The following TENM3 variants were observed in gnomAD, a reference collection of about 807,000 sequenced individuals.
The protein encoded by TENM3 is teneurin transmembrane protein 3.
TENM3 carries 63 observed loss-of-function variants against 255.1 expected under a neutral mutation model. The ratio of observed to expected loss-of-function variants is 0.25; its 90% CI spans 0.20 to 0.30. TENM3 has a LOEUF of 0.30. TENM3 is among the 10% of genes least tolerant of loss of function. The probability of loss-of-function intolerance (pLI) is 1.00; values close to 1 mark genes in which losing one functional copy is unlikely to be tolerated. For synonymous variants in TENM3, 1,306 were observed against 1,322.3 expected, an observed-to-expected ratio of 0.99 and a Z score of 0.27; for missense variants, 2,929 against 3,461.1, an observed-to-expected ratio of 0.85 and a Z score of 3.86.
the TENM3 span, among the ~76,000 whole-genome samples, chr4:182,118,834 A>G: frequency 1.3e-5 from 2 of 152,162 alleles, no homozygotes; most frequent in Non-Finnish European, 2.9e-5. Context: ...TACTTTTTAT[A>G]CATTGTTGGA....
the TENM3 span, among the ~76,000 whole-genome samples, chr4:181,837,573 G>A: frequency 6.6e-6 from 1 of 152,136 alleles, no homozygotes; most frequent in African/African-American, 2.4e-5. Flanking sequence ...AATCATTGCT[G>A]CATGTCCAAC....
At chr4:182,721,225 T>C (rs1349101774) in intron 13 of TENM3, among the ~76,000 whole-genome samples, 2 of 152,182 alleles carry the variant, frequency 1.3e-5, no homozygotes, top group Admixed American at 1.3e-4. Context: ...AGGGGTTTTA[T>C]TAGAAGTCGT....
chr4:182,103,765 G>GA, the TENM3 span, among the ~76,000 whole-genome samples: 1 of 152,162 alleles, frequency 6.6e-6, no homozygotes, highest in Non-Finnish European at 1.5e-5. Context: ...TTATAATAAT[G>GA]GTTATAAGAC....
chr4:182,543,355 A>G (rs1741090970), intron 3 of TENM3, among the ~76,000 whole-genome samples: 1 of 152,242 alleles, frequency 6.6e-6, no homozygotes, highest in Non-Finnish European at 1.5e-5. Context: ...GTTCTATGTC[A>G]GGAGGTTCAT....
At chr4:182,219,571 C>T (rs761026814) in intron 1 of TENM3, among the ~76,000 whole-genome samples, 68 of 151,294 alleles carry the variant, frequency 4.5e-4, no homozygotes, top group Admixed American at 2.3e-3. Context: ...AAGCTGAGGC[C>T]GGAGGATTGC....
At chr4:181,845,927 C>A in the TENM3 span, among the ~76,000 whole-genome samples, 56 of 152,308 alleles carry the variant, frequency 3.7e-4, no homozygotes, top group African/African-American at 1.3e-3. Flanking sequence ...CTATTGGCAT[C>A]TTGCACCTTT....
intron 3 of TENM3, among the ~76,000 whole-genome samples, chr4:182,520,781 G>A (rs923844360): frequency 1.3e-5 from 2 of 152,096 alleles, no homozygotes. Context: ...TAACAAAATG[G>A]CTTAAAAGAA....
the TENM3 span, among the ~76,000 whole-genome samples, chr4:182,063,161 C>G: frequency 6.6e-6 from 1 of 152,200 alleles, no homozygotes; most frequent in Non-Finnish European, 1.5e-5. Context: ...TAGTGCTGCA[C>G]TGTAATCTGA....
chr4:182,517,951 A>G (rs564283743), intron 3 of TENM3, among the ~76,000 whole-genome samples: 2 of 152,286 alleles, frequency 1.3e-5, no homozygotes, highest in South Asian at 2.1e-4. Context: ...ATAGTCCCCT[A>G]CATGTCCAAA....
intron 7 of TENM3, among the ~76,000 whole-genome samples, chr4:182,678,708 C>G (rs980253357): frequency 6.6e-6 from 1 of 152,146 alleles, no homozygotes; most frequent in Non-Finnish European, 1.5e-5. Context: ...TATGAGGAAC[C>G]AGCACGGAGT....
At chr4:182,758,691 C>T (rs1762909117) in intron 22 of TENM3, among the ~76,000 whole-genome samples, 1 of 151,960 alleles carries the variant, frequency 6.6e-6, no homozygotes, top group African/African-American at 2.4e-5. Flanking sequence ...TACTTTAGAC[C>T]TTACAAAGGG....
chr4:181,778,208 A>G, the TENM3 span, among the ~76,000 whole-genome samples: 3 of 152,104 alleles, frequency 2.0e-5, no homozygotes, highest in Non-Finnish European at 4.4e-5. Context: ...TAACATAGCT[A>G]AAAATCATAG....
intron 3 of TENM3, among the ~76,000 whole-genome samples, chr4:182,586,350 A>T (rs1442516532): frequency 1.3e-5 from 2 of 152,184 alleles, no homozygotes; most frequent in African/African-American, 4.8e-5. Flanking sequence ...TTCACGGGGC[A>T]TTGTCATATA....
the TENM3 span, among the ~76,000 whole-genome samples, chr4:181,817,841 G>T: frequency 1.3e-5 from 2 of 152,138 alleles, no homozygotes; most frequent in East Asian, 1.9e-4. Context: ...AATAAATTTT[G>T]ATTCTTTGTA....
chr4:182,011,747 T>C, the TENM3 span, among the ~76,000 whole-genome samples: 1 of 152,132 alleles, frequency 6.6e-6, no homozygotes, highest in African/African-American at 2.4e-5. Flanking sequence ...CTGGCTACCC[T>C]CCATCAAGAG....
the TENM3 span, among the ~76,000 whole-genome samples, chr4:181,926,856 G>A: frequency 2.0e-5 from 3 of 151,848 alleles, no homozygotes; most frequent in Admixed American, 6.6e-5. Flanking sequence ...TGCAGACCAC[G>A]GAAGGCAAGC....
At chr4:181,470,610 T>C in the TENM3 span, among the ~76,000 whole-genome samples, 1 of 152,216 alleles carries the variant, frequency 6.6e-6, no homozygotes, top group African/African-American at 2.4e-5. Flanking sequence ...GATTTCCATT[T>C]TAAGGTTAAA....
the TENM3 span, among the ~76,000 whole-genome samples, chr4:182,027,623 T>C: frequency 6.6e-6 from 1 of 152,012 alleles, no homozygotes; most frequent in African/African-American, 2.4e-5. Flanking sequence ...CATATATGGC[T>C]TTTATTATGC....
chr4:181,927,228 A>T, the TENM3 span, among the ~76,000 whole-genome samples: 3 of 152,226 alleles, frequency 2.0e-5, no homozygotes, highest in Admixed American at 2.0e-4. Context: ...CATGGAACCC[A>T]GCGGATCCCA....
Sources: gnomAD v4.1 joint callset for allele counts (sites outside exome capture counted in the v4.1 genomes callset) on GRCh38, gnomAD v4.1.1 for gene constraint, MANE v1.5 for transcripts, NCBI Gene and HGNC (gene_info 2026-07-23, HGNC 2026-07-21) for gene names.